Variants in PTPRD observed in about 807,000 individuals in gnomAD.
The protein encoded by PTPRD is protein tyrosine phosphatase receptor type D.
PTPRD carries 34 observed loss-of-function variants against 214.5 expected under a neutral mutation model. That is an observed-to-expected ratio of 0.16 (90% CI 0.12 to 0.21). The LOEUF is 0.21. Among genes scored for constraint, PTPRD ranks in the 10% least tolerant of loss-of-function variants. The probability of loss-of-function intolerance (pLI) is 1.00; values close to 1 mark genes in which losing one functional copy is unlikely to be tolerated. For missense variants in PTPRD, 2,545 were observed against 2,398.7 expected (o/e 1.06, Z -1.27); for synonymous variants, 1,128 against 845.7 (o/e 1.33, Z -5.79).
rs774023849 is a variant in PTPRD at position 9,252,773 on chromosome 9, G to C, written c.-202-69410C>G. On this transcript the variant is annotated intron_variant, in intron 9 of 45. Coordinates refer to ENST00000381196, the MANE Select transcript of PTPRD (RefSeq NM_002839.4). Reference sequence around the variant, plus strand: ...ATCCAAGTTTTAAACACCTCTTCTGGGTTATTCATTGCTGGGTACTCATGC... The same window carrying C: ...ATCCAAGTTTTAAACACCTCTTCTGCGTTATTCATTGCTGGGTACTCATGC... Among the ~76,000 whole-genome samples, 78 of 151,876 alleles carry C rather than the reference G, an allele frequency of 5.1e-4. 1 individual carries two copies. Among genetic ancestry groups the C allele is most frequent in the Admixed American group, 3.3e-4 (5 of 15,232 alleles).
At chr9:9,387,709 T>A (rs2064336814) in intron 9 of PTPRD, among the ~76,000 whole-genome samples, 1 of 152,108 alleles carries the variant, frequency 6.6e-6, no homozygotes, top group African/African-American at 2.4e-5. Flanking sequence ...GGTTCCTTTG[T>A]CCCCCTCTCA....
intron 2 of PTPRD, among the ~76,000 whole-genome samples, chr9:10,484,595 T>C (rs2099120744): frequency 6.6e-6 from 1 of 152,128 alleles, no homozygotes; most frequent in African/African-American, 2.4e-5. Context: ...TGGGATAAGA[T>C]GATATTTCAT....
At chr9:9,122,655 C>T (rs965615935) in intron 10 of PTPRD, among the ~76,000 whole-genome samples, 1 of 152,192 alleles carries the variant, frequency 6.6e-6, no homozygotes, top group Non-Finnish European at 1.5e-5. Context: ...ATGACATGAA[C>T]ATATGGTGAT....
At chr9:9,964,717 G>A (rs543060395) in intron 4 of PTPRD, among the ~76,000 whole-genome samples, 1 of 152,022 alleles carries the variant, frequency 6.6e-6, no homozygotes, top group East Asian at 1.9e-4. Flanking sequence ...ATTTCTTTAG[G>A]AAAAAAATAC....
chr9:8,566,533 T>C (rs1448025606), intron 14 of PTPRD, among the ~76,000 whole-genome samples: 1 of 152,198 alleles, frequency 6.6e-6, no homozygotes, highest in Non-Finnish European at 1.5e-5. Flanking sequence ...ATGTTCATTA[T>C]AGCCATAACT....
intron 7 of PTPRD, among the ~76,000 whole-genome samples, chr9:9,608,655 A>T (rs994763086): frequency 6.6e-6 from 1 of 152,128 alleles, no homozygotes; most frequent in Non-Finnish European, 1.5e-5. Context: ...CTGGCATAGA[A>T]TCCTTACAAT....
intron 3 of PTPRD, among the ~76,000 whole-genome samples, chr9:10,090,312 T>C (rs2098413549): frequency 6.6e-6 from 1 of 151,592 alleles, no homozygotes; most frequent in African/African-American, 2.4e-5. Context: ...TTAGCCAGAC[T>C]AGCTTATTCA....
intron 3 of PTPRD, among the ~76,000 whole-genome samples, chr9:10,082,569 G>C (rs541630406): frequency 6.6e-6 from 1 of 151,960 alleles, no homozygotes; most frequent in Non-Finnish European, 1.5e-5. Flanking sequence ...AAGGCAGAGA[G>C]GTGAAGTTAT....
intron 7 of PTPRD, among the ~76,000 whole-genome samples, chr9:9,611,836 T>A (rs1220555903): frequency 6.6e-6 from 1 of 152,142 alleles, no homozygotes; most frequent in Non-Finnish European, 1.5e-5. Flanking sequence ...AATGTAATTA[T>A]GTTTCAAATA....
intron 11 of PTPRD, among the ~76,000 whole-genome samples, chr9:8,880,403 A>G (rs1002595769): frequency 3.3e-5 from 5 of 152,074 alleles, no homozygotes; most frequent in Non-Finnish European, 5.9e-5. Context: ...ACTTGCTTCT[A>G]CCTTTTCTCT....
At chr9:10,410,398 G>A (rs1046451209) in intron 2 of PTPRD, among the ~76,000 whole-genome samples, 1 of 150,720 alleles carries the variant, frequency 6.6e-6, no homozygotes, top group African/African-American at 2.4e-5. Context: ...TCAAAGGGCA[G>A]AGGTTTCATA....
At chr9:9,774,471 C>T (rs998939735) in intron 5 of PTPRD, among the ~76,000 whole-genome samples, 1 of 152,154 alleles carries the variant, frequency 6.6e-6, no homozygotes, top group Admixed American at 6.5e-5. Flanking sequence ...CATTTATTAA[C>T]CTATGTTCTT....
intron 5 of PTPRD, among the ~76,000 whole-genome samples, chr9:9,839,808 A>AT (rs112359905): frequency 1.7e-4 from 26 of 152,112 alleles, no homozygotes; most frequent in East Asian, 3.9e-4. Flanking sequence ...AACTTGCTGC[A>AT]TTTTTTTAAG....
intron 14 of PTPRD, among the ~76,000 whole-genome samples, chr9:8,579,329 T>A (rs562250322): frequency 1.4e-4 from 22 of 152,362 alleles, no homozygotes; most frequent in African/African-American, 5.0e-4. Context: ...TAAGAAATAA[T>A]TTTAAAAGAA....
At chr9:9,470,745 G>T (rs1431266145) in intron 8 of PTPRD, among the ~76,000 whole-genome samples, 2 of 152,100 alleles carry the variant, frequency 1.3e-5, no homozygotes, top group African/African-American at 4.8e-5. Flanking sequence ...ATAGGAATTG[G>T]AAATCAGTGT....
chr9:9,420,700 G>A (rs1187017287), intron 8 of PTPRD, among the ~76,000 whole-genome samples: 4 of 151,902 alleles, frequency 2.6e-5, no homozygotes, highest in African/African-American at 4.8e-5. Context: ...ACCTCTGCAT[G>A]TATATGACGA....
At chr9:10,573,842 G>A (rs931581694) in intron 2 of PTPRD, among the ~76,000 whole-genome samples, 2 of 152,136 alleles carry the variant, frequency 1.3e-5, no homozygotes, top group Non-Finnish European at 2.9e-5. Flanking sequence ...AGACATGGAA[G>A]GTAAGAAAGA....
intron 10 of PTPRD, among the ~76,000 whole-genome samples, chr9:9,150,477 A>T (rs1319216417): frequency 6.8e-6 from 1 of 147,754 alleles, no homozygotes; most frequent in Non-Finnish European, 1.5e-5. Context: ...TATAATATAT[A>T]CTATATATAT....
At chr9:10,498,704 A>T (rs1360817819) in intron 2 of PTPRD, among the ~76,000 whole-genome samples, 1 of 151,922 alleles carries the variant, frequency 6.6e-6, no homozygotes, top group Non-Finnish European at 1.5e-5. Context: ...TTAAGGTAAA[A>T]TTTTCACACC....
Sources: gnomAD v4.1 joint callset for allele counts (sites outside exome capture counted in the v4.1 genomes callset) on GRCh38, gnomAD v4.1.1 for gene constraint, MANE v1.5 for transcripts, NCBI Gene and HGNC (gene_info 2026-07-23, HGNC 2026-07-21) for gene names.